XPO7: variants seen among roughly 807,000 people sequenced by gnomAD.
XPO7 encodes exportin 7.
Under a neutral mutation model 144.3 loss-of-function variants are expected in XPO7, and 21 were observed. The ratio of observed to expected loss-of-function variants is 0.15; its 90% CI spans 0.10 to 0.21. XPO7 has a LOEUF of 0.21. XPO7 is among the 10% of genes least tolerant of loss of function. The probability of loss-of-function intolerance (pLI) is 1.00; values close to 1 mark genes in which losing one functional copy is unlikely to be tolerated. For synonymous variants in XPO7, 580 were observed against 499.6 expected (o/e 1.16, Z -2.15); for missense variants, 808 against 1,325.8 (o/e 0.61, Z 6.06).
At chr8:21,963,465 C>T (rs371693556) in intron 1 of XPO7, among the ~76,000 whole-genome samples, 1 of 152,086 alleles carries the variant, frequency 6.6e-6, no homozygotes, top group South Asian at 2.1e-4. Flanking sequence ...GGAGGCCAAG[C>T]CAGGCAAATC....
intron 14 of XPO7, 66 bp downstream of exon 14, chr8:21,987,342 A>T: frequency 6.2e-7 from 1 of 1,600,684 alleles, no homozygotes. Context: ...TGATGGAGGG[A>T]AACAGTTGCT....
intron 10 of XPO7, among the ~76,000 whole-genome samples, chr8:21,982,431 A>G (rs1812437047): frequency 6.6e-6 from 1 of 152,202 alleles, no homozygotes; most frequent in Non-Finnish European, 1.5e-5. Flanking sequence ...TTACACAGCC[A>G]GCATAGAGTA....
intron 1 of XPO7, among the ~76,000 whole-genome samples, chr8:21,941,596 G>C (rs1033503059): frequency 6.6e-6 from 1 of 152,162 alleles, no homozygotes; most frequent in Admixed American, 6.5e-5. Flanking sequence ...ACAAAATTTT[G>C]TTTTCCAAAT....
At chr8:21,977,108 G>C (rs181744433) in intron 7 of XPO7, among the ~76,000 whole-genome samples, 1 of 152,116 alleles carries the variant, frequency 6.6e-6, no homozygotes, top group Non-Finnish European at 1.5e-5. Flanking sequence ...AATCTATTTA[G>C]GGTAATAACT....
chr8:22,004,066 A>G, intron 27 of XPO7, 36 bp downstream of exon 27: 1 of 1,609,466 alleles, frequency 6.2e-7, no homozygotes, highest in Non-Finnish European at 8.5e-7. Flanking sequence ...AATCTCAGAC[A>G]ATTGCTATTT....
chr8:21,963,020 G>A (rs530229289), intron 1 of XPO7, among the ~76,000 whole-genome samples: 64 of 152,236 alleles, frequency 4.2e-4, no homozygotes, highest in African/African-American at 1.4e-3. Context: ...AACTAAGGGG[G>A]ACATAAATTA....
In XPO7 at chr8:21,970,312, T is replaced by TA. The variant is rs759302873; in HGVS notation, c.426+3dup. The TA allele has an allele frequency of 6.2e-7, 1 of 1,613,118 alleles. No homozygotes were observed. Among genetic ancestry groups the TA allele is most frequent in the African/African-American group, 1.3e-5 (1 of 74,942 alleles). On this transcript the variant is annotated splice_region_variant and intron_variant, in intron 4 of 27. Coordinates refer to ENST00000252512, the MANE Select transcript of XPO7 (RefSeq NM_015024.5). ...ACAGACGTCACAAGGTTTTTACAGG[T>TA]ACAGTGTATATATTTGATGTAATGG...
intron 1 of XPO7, among the ~76,000 whole-genome samples, chr8:21,937,962 ATATT>A (rs1810874027): frequency 6.6e-6 from 1 of 152,194 alleles, no homozygotes; most frequent in South Asian, 2.1e-4. Context: ...GATATAGATA[ATATT>A]TATGAGCCTT....
chr8:22,002,364 A>G, intron 25 of XPO7, 92 bp downstream of exon 25: 1 of 1,432,012 alleles, frequency 7.0e-7, no homozygotes, highest in Non-Finnish European at 9.4e-7. Context: ...GATTAACATG[A>G]CATCTCATCA....
chr8:21,989,939 T>TCCC (rs1374812975), intron 16 of XPO7, among the ~76,000 whole-genome samples: 2 of 142,222 alleles, frequency 1.4e-5, no homozygotes, highest in African/African-American at 5.1e-5. Flanking sequence ...AAGCTCCGCC[T>TCCC]CCCAGGTTCA....
In XPO7 at chr8:21,989,075, G is replaced by C. The variant is rs2306646; in HGVS notation, c.1860G>C (p.Leu620=). The C allele has an allele frequency of 0.55, 885,802 of 1,611,584 alleles. 246,599 individuals are homozygous for C. The highest frequency in any genetic ancestry group is 0.74 in the African/African-American group (55,296 of 74,854). ...AGACACTACAGCTTCTCAATGACCT[G>C]TCCATTGGATATCCTTTTCTAAGCT... The part of the protein sequence containing the change: ...TSKTLQLLND[L]SIGYSSVRKL... The change falls in exon 16 of 28, where the codon CTG becomes CTC. Residue 620 remains leucine (L), a synonymous_variant. Transcript: ENST00000252512.
intron 1 of XPO7, among the ~76,000 whole-genome samples, chr8:21,928,476 G>A (rs1287629224): frequency 6.6e-6 from 1 of 152,142 alleles, no homozygotes; most frequent in Non-Finnish European, 1.5e-5. Flanking sequence ...GTCTTATTGT[G>A]TATGTTTACA....
intron 1 of XPO7, among the ~76,000 whole-genome samples, chr8:21,957,803 G>T (rs118115798): frequency 0.017 from 2,541 of 152,254 alleles, 80 homozygotes; most frequent in South Asian, 0.15. Flanking sequence ...TTATAGGCAT[G>T]CACAACCATG....
intron 19 of XPO7, among the ~76,000 whole-genome samples, chr8:21,994,055 C>T (rs768516134): frequency 9.6e-5 from 14 of 145,344 alleles, no homozygotes; most frequent in Non-Finnish European, 1.8e-4. Context: ...TGTCTTAAAA[C>T]CTTATCAGCC....
chr8:21,998,015 ATCTTT>A (rs1375279236), intron 21 of XPO7, among the ~76,000 whole-genome samples: 2 of 152,190 alleles, frequency 1.3e-5, no homozygotes, highest in Non-Finnish European at 1.5e-5. Flanking sequence ...GTCCCTATGC[ATCTTT>A]TCTTCATATA....
rs1163039370 is a variant in XPO7, at chr8:22,006,128, G to C, written c.*1040G>C. 6.6e-6 allele frequency: 1 copy of C among 152,192 alleles called. No individual in the cohort carries two copies. The highest frequency in any genetic ancestry group is 2.4e-5 in the African/African-American group (1 of 41,432). The allele number at this position is 152,192 out of a possible 1,614,324, so 9.4% of individuals were successfully genotyped here. A position where few individuals can be genotyped will look rare whatever the true frequency, so the allele number is the denominator to read the frequency against. On this transcript the variant is annotated 3_prime_UTR_variant, in exon 28 of 28. Coordinates refer to ENST00000252512, the MANE Select transcript of XPO7 (RefSeq NM_015024.5). ...ATTTATATATGTACCCTGCACTCAT[G>C]AATGTATGAACTGGAGGAAGTTACT...
In XPO7 at chr8:22,005,210, T is replaced by G; in HGVS notation, c.*122T>G. ...CTTTTCTCCAGGGGTGTGGGGAAAA[T>G]GGCAAAGGTCAACTAGCTGCTTCCC... On this transcript the variant is annotated 3_prime_UTR_variant, in exon 28 of 28. Transcript: ENST00000252512. 1.3e-6 allele frequency: 1 copy of G among 753,660 alleles called. No homozygotes were observed. The allele number at this position is 753,660 out of a possible 1,614,324, so 46.7% of individuals were successfully genotyped here.
In XPO7 at chr8:21,984,628, T is replaced by C. The variant is rs576687284; in HGVS notation, c.1278-18T>C. ...TCATATTTTAAGAGAGCTGCCTTCC[T>C]TCTTCCCTTGGGAATAGAGATGGCC... On this transcript the variant is annotated intron_variant, in intron 11 of 27. Transcript: ENST00000252512. 44 of 1,595,850 alleles carry C rather than the reference T, an allele frequency of 2.8e-5. No individual in the cohort carries two copies. The African/African-American group carries it at 5.1e-4, about 18-fold the overall frequency.
intron 1 of XPO7, among the ~76,000 whole-genome samples, chr8:21,956,401 G>T (rs1811536401): frequency 6.6e-6 from 1 of 152,176 alleles, no homozygotes; most frequent in Non-Finnish European, 1.5e-5. Flanking sequence ...TCGGGTGTGG[G>T]TTGACTTTCA....
Sources: gnomAD v4.1 joint callset for allele counts (sites outside exome capture counted in the v4.1 genomes callset) on GRCh38, gnomAD v4.1.1 for gene constraint, MANE v1.5 for transcripts, NCBI Gene and HGNC (gene_info 2026-07-23, HGNC 2026-07-21) for gene names.